The following VWA8 variants were observed in gnomAD, a reference collection of about 807,000 sequenced individuals.
VWA8 encodes the protein von Willebrand factor A domain containing 8, also known as von Willebrand factor A domain-containing protein 8.
Under a neutral mutation model 241.5 loss-of-function variants are expected in VWA8, and 221 were observed. The observed-to-expected ratio is 0.91, with a 90% CI of 0.82 to 1.02. VWA8 has a LOEUF of 1.02. Ranked by LOEUF, VWA8 falls within the 50% of genes least tolerant of loss-of-function variation. The pLI is 0.00. For missense variants in VWA8, 2,322 were observed against 2,328.7 expected (o/e 1.00, Z 0.06); for synonymous variants, 852 against 827.1 (o/e 1.03, Z -0.52).
At chr13:41,927,098 C>T (rs967430724) in intron 2 of VWA8, 14 of 379,794 alleles carry the variant, frequency 3.7e-5, no homozygotes, top group Non-Finnish European at 6.2e-5. Flanking sequence ...TAATCCTGTG[C>T]CGCAGCAGCG....
chr13:41,683,542 G>C (rs1238598654), intron 35 of VWA8, among the ~76,000 whole-genome samples: 2 of 152,116 alleles, frequency 1.3e-5, no homozygotes, highest in African/African-American at 4.8e-5. Context: ...GTTTGTGTCT[G>C]CCAAACTCAC....
At chr13:41,825,992 C>CA (rs1871155672) in intron 14 of VWA8, among the ~76,000 whole-genome samples, 1 of 152,322 alleles carries the variant, frequency 6.6e-6, no homozygotes, top group South Asian at 2.1e-4. Flanking sequence ...GTCAAGCTGT[C>CA]AGTCTTCTAC....
intron 14 of VWA8, 88 bp from the exon 15 acceptor site, chr13:41,819,474 G>T: frequency 7.6e-7 from 1 of 1,323,386 alleles, no homozygotes; most frequent in Non-Finnish European, 1.0e-6. Flanking sequence ...CAACGTTAGG[G>T]CTATCATACT....
chr13:41,734,773 C>G (rs1382509788), intron 21 of VWA8, among the ~76,000 whole-genome samples: 2 of 152,168 alleles, frequency 1.3e-5, no homozygotes, highest in East Asian at 3.8e-4. Flanking sequence ...GGCCCTAGCA[C>G]TACACTTTAC....
chr13:41,889,752 C>T (rs1350893612), intron 5 of VWA8, among the ~76,000 whole-genome samples: 2 of 152,048 alleles, frequency 1.3e-5, no homozygotes, highest in Admixed American at 6.6e-5. Context: ...GCACAGAATT[C>T]TACTATAAAG....
intron 37 of VWA8, among the ~76,000 whole-genome samples, chr13:41,618,571 T>A (rs148193390): frequency 2.0e-5 from 3 of 152,314 alleles, no homozygotes; most frequent in Admixed American, 6.5e-5. Flanking sequence ...CTGAATGGTA[T>A]TGCCTAGGTT....
intron 21 of VWA8, among the ~76,000 whole-genome samples, chr13:41,738,968 T>G (rs2045546221): frequency 6.6e-6 from 1 of 152,148 alleles, no homozygotes; most frequent in African/African-American, 2.4e-5. Flanking sequence ...TTAAAAAGAC[T>G]TTATCAATTG....
At chr13:41,592,216 A>G (rs2044459976) in intron 40 of VWA8, among the ~76,000 whole-genome samples, 2 of 141,804 alleles carry the variant, frequency 1.4e-5, no homozygotes. Context: ...TATCGCAAGA[A>G]CAAAAAACCA....
intron 12 of VWA8, among the ~76,000 whole-genome samples, chr13:41,856,252 T>A (rs1397278299): frequency 6.6e-6 from 1 of 152,102 alleles, no homozygotes; most frequent in African/African-American, 2.4e-5. Context: ...ATGAAAATCA[T>A]TTGAATCCGG....
At chr13:41,775,291 C>G (rs1868540640) in intron 20 of VWA8, among the ~76,000 whole-genome samples, 1 of 152,048 alleles carries the variant, frequency 6.6e-6, no homozygotes, top group African/African-American at 2.4e-5. Context: ...GGTTTATAAT[C>G]AAAGAACAGA....
At chr13:41,830,041 G>C (rs963193216) in intron 14 of VWA8, among the ~76,000 whole-genome samples, 1 of 152,086 alleles carries the variant, frequency 6.6e-6, no homozygotes, top group African/African-American at 2.4e-5. Context: ...AGGAGATCGA[G>C]ACCATCCTGG....
intron 9 of VWA8, among the ~76,000 whole-genome samples, chr13:41,879,612 G>C (rs747328452): frequency 1.1e-4 from 17 of 150,512 alleles, no homozygotes; most frequent in Admixed American, 9.9e-4. Context: ...TATTATTATT[G>C]ACATAACCAG....
At chr13:41,710,572 T>C (rs1197895769) in intron 26 of VWA8, among the ~76,000 whole-genome samples, 4 of 152,230 alleles carry the variant, frequency 2.6e-5, no homozygotes, top group Non-Finnish European at 5.9e-5. Context: ...GTAGACTTTA[T>C]CATTTTTGAA....
At chr13:41,791,114 G>GTT (rs201603955) in intron 17 of VWA8, among the ~76,000 whole-genome samples, 1 of 149,728 alleles carries the variant, frequency 6.7e-6, no homozygotes, top group Non-Finnish European at 1.5e-5. Flanking sequence ...TATAAAATGA[G>GTT]TTTTTTTTTT....
rs149498879 is a variant in VWA8 at position 41,602,903 on chromosome 13, A to C, written c.4986+2265T>G. ...TATTATAATGCTGGTATTGTTTGTA[A>C]AGATTTCTAAAGACGGAAGTTCTAC... is the stretch of plus-strand genomic sequence containing the variant. On this transcript the variant is annotated intron_variant, in intron 40 of 44. Coordinates refer to ENST00000379310, the MANE Select transcript of VWA8 (RefSeq NM_015058.2). Among the ~76,000 whole-genome samples, 146 of 152,262 alleles carry C rather than the reference A, an allele frequency of 9.6e-4. 1 individual carries two copies. The highest frequency in any genetic ancestry group is 3.4e-3 in the African/African-American group (140 of 41,568).
intron 17 of VWA8, among the ~76,000 whole-genome samples, chr13:41,790,100 A>G (rs1254421932): frequency 2.0e-5 from 3 of 152,154 alleles, no homozygotes; most frequent in Non-Finnish European, 4.4e-5. Flanking sequence ...AATATCTGCT[A>G]GACTTACATA....
intron 21 of VWA8, among the ~76,000 whole-genome samples, chr13:41,748,503 G>T (rs1477399932): frequency 6.6e-6 from 1 of 151,742 alleles, no homozygotes; most frequent in Non-Finnish European, 1.5e-5. Context: ...TTCTTTATTA[G>T]TCTTGCTAGC....
intron 20 of VWA8, among the ~76,000 whole-genome samples, chr13:41,762,762 T>A (rs2045749703): frequency 6.6e-6 from 1 of 152,122 alleles, no homozygotes; most frequent in Admixed American, 6.5e-5. Context: ...GAAATGGTAT[T>A]TATTGAGCGC....
At chr13:41,861,759 C>A (rs1252018424) in intron 12 of VWA8, among the ~76,000 whole-genome samples, 2 of 152,070 alleles carry the variant, frequency 1.3e-5, no homozygotes, top group South Asian at 2.1e-4. Flanking sequence ...AAGATCTTTT[C>A]TCTGCAACAA....
Sources: allele counts gnomAD v4.1 joint callset (sites outside exome capture counted in the v4.1 genomes callset), GRCh38; gene constraint gnomAD v4.1.1; transcripts MANE v1.5; gene names NCBI Gene and HGNC (gene_info 2026-07-23, HGNC 2026-07-21).